Variants in DST observed in about 807,000 individuals in gnomAD.
DST encodes the protein bullous pemphigoid antigen.
DST carries 253 observed loss-of-function variants against 875.2 expected under a neutral mutation model. The observed-to-expected ratio is 0.29, with a 90% CI of 0.26 to 0.32. The LOEUF is 0.32. DST is among the 10% of genes least tolerant of loss of function. The pLI is 1.00. For missense variants in DST, 8,287 were observed against 9,111.6 expected (o/e 0.91, Z 3.68); for synonymous variants, 3,124 against 3,197.1 (o/e 0.98, Z 0.77).
chr6:56,710,958 A>G (rs2099360831), intron 5 of DST, among the ~76,000 whole-genome samples: 1 of 152,212 alleles, frequency 6.6e-6, no homozygotes, highest in African/African-American at 2.4e-5. Context: ...TAAACTATGA[A>G]ATAAAGGTAT....
chr6:56,624,688 T>A, intron 35 of DST, 60 bp from the exon 36 acceptor site: 1 of 1,086,518 alleles, frequency 9.2e-7, no homozygotes, highest in East Asian at 2.4e-5. Context: ...CTAAGTTGAA[T>A]GAATTTTGAA....
chr6:56,606,329 C>G lies in DST; in HGVS notation c.8299G>C (p.Gly2767Arg). 1 of 1,611,798 alleles carries G rather than the reference C, an allele frequency of 6.2e-7. No homozygotes were observed. Among genetic ancestry groups the G allele is most frequent in the Non-Finnish European group, 8.5e-7 (1 of 1,178,856 alleles). Residue 2767 changes from glycine (G) to arginine (R), a missense_variant, in exon 40 of 104, where the codon GGA becomes CGA. Gly to Arg is a moderately radical substitution (Grantham distance 125). Transcript: ENST00000680361. ...LKFDDSGSWRGRKEEYVTGQE... is the reference protein window; with the variant it reads ...LKFDDSGSWRRRKEEYVTGQE... ...CCAGTTACATACTCTTCCTTTCTTCCTCTCCAACTGCCACTGTCATCAAAT... is the reference window on the plus strand; with the variant it reads ...CCAGTTACATACTCTTCCTTTCTTCGTCTCCAACTGCCACTGTCATCAAAT...
intron 10 of DST, among the ~76,000 whole-genome samples, chr6:56,658,588 G>GT (rs1234548982): frequency 9.2e-5 from 14 of 152,288 alleles, no homozygotes; most frequent in African/African-American, 3.4e-4. Flanking sequence ...TTACCAAAAC[G>GT]TATCTATCAG....
chr6:56,787,069 T>G (rs896851915), intron 4 of DST, among the ~76,000 whole-genome samples: 5 of 152,190 alleles, frequency 3.3e-5, no homozygotes, highest in African/African-American at 1.2e-4. Flanking sequence ...CATTTCACAA[T>G]AACCCTATGA....
In DST at chr6:56,954,430, A is replaced by C; in HGVS notation, c.158T>G (p.Phe53Cys). ...QKGRHPMKSV[F>C]SGRSRSRDAV... The stretch of plus-strand genomic sequence containing the variant: ...ACCTCGGCTTCTTGAACGACCCGAG[A>C]AGACCGATTTCATCGGATGCCTCCC... Residue 53 changes from phenylalanine (F) to cysteine (C), a missense_variant, in exon 1 of 104, where the codon TTC becomes TGC. Physicochemically the swap from Phe to Cys is radical, Grantham distance 205. Coordinates refer to ENST00000680361, the MANE Select transcript of DST (RefSeq NM_001374736.1). The C allele has an allele frequency of 1.5e-6, 2 of 1,367,476 alleles. No homozygotes were observed. The highest frequency in any genetic ancestry group is 2.0e-6 in the Non-Finnish European group (2 of 1,021,776). The allele number at this position is 1,367,476 out of a possible 1,614,324, so 84.7% of individuals were successfully genotyped here. A position where few individuals can be genotyped will look rare whatever the true frequency, so the allele number is the denominator to read the frequency against.
intron 31 of DST, 52 bp downstream of exon 31, chr6:56,630,193 G>A: frequency 7.4e-7 from 1 of 1,357,824 alleles, no homozygotes; most frequent in Non-Finnish European, 1.0e-6. Context: ...AAGTGCTAGA[G>A]AAATACTTGT....
Position 56,645,964 on chromosome 6 carries a change from G to A in DST, c.1680C>T (p.Leu560=). ...TGTCATTTGGATGATAACCTTGAAG[G>A]AGCTTGATGCGTCCAAATTCTATCC... The part of the protein sequence containing the change: ...EIWIEFGRIK[L]LQGYHPNDIE... The change falls in exon 15 of 104, where the codon CTC becomes CTT. Residue 560 remains leucine, a synonymous_variant. Coordinates refer to ENST00000680361, the MANE Select transcript of DST (RefSeq NM_001374736.1). The A allele has an allele frequency of 3.7e-6, 6 of 1,613,300 alleles. No individual in the cohort carries two copies. The highest frequency in any genetic ancestry group is 1.7e-4 in the Middle Eastern group (1 of 6,054).
At chr6:56,719,883 T>G (rs932917829) in intron 5 of DST, among the ~76,000 whole-genome samples, 1 of 152,172 alleles carries the variant, frequency 6.6e-6, no homozygotes, top group African/African-American at 2.4e-5. Context: ...GATCACGTAC[T>G]TCACAAGGTA....
intron 4 of DST, among the ~76,000 whole-genome samples, chr6:56,757,923 T>C (rs1014700330): frequency 2.0e-5 from 3 of 152,226 alleles, no homozygotes; most frequent in Non-Finnish European, 2.9e-5. Flanking sequence ...TTCATTTTCA[T>C]GTGCAAAATA....
chr6:56,506,810 C>G (rs1562437012), intron 75 of DST, 21 bp from the exon 76 acceptor site: 1 of 1,593,138 alleles, frequency 6.3e-7, no homozygotes, highest in Admixed American at 1.8e-5. Flanking sequence ...AAAATGACAG[C>G]CTTAGAATTT....
Position 56,598,797 on chromosome 6 carries a change from TAC to T in DST, c.11695-90_11695-89del, listed in dbSNP as rs59112401. 4,197 of 711,644 alleles carry T rather than the reference TAC, an allele frequency of 5.9e-3. 130 individuals are homozygous for T. In the African/African-American group the frequency reaches 0.067, roughly 11 times the overall value. The allele number at this position is 711,644 out of a possible 1,614,324, so 44.1% of individuals were successfully genotyped here. ...TTGTAATTCTAAAAGACAGAGTGAG[TAC>T]AGAGAGAGTCTAGTATATGTAGCTT... On this transcript the variant is annotated intron_variant, in intron 45 of 103. Coordinates refer to ENST00000680361, the MANE Select transcript of DST (RefSeq NM_001374736.1).
intron 2 of DST, among the ~76,000 whole-genome samples, chr6:56,908,243 A>T (rs1797322868): frequency 6.6e-6 from 1 of 152,188 alleles, no homozygotes; most frequent in South Asian, 2.1e-4. Context: ...TCCATTAAAA[A>T]ATCAAAAGAT....
chr6:56,528,986 A>C, intron 66 of DST, 61 bp from the exon 67 acceptor site: 1 of 1,004,880 alleles, frequency 1.0e-6, no homozygotes, highest in Non-Finnish European at 1.5e-6. Context: ...CATTAACATT[A>C]GTTAATCTCA....
chr6:56,587,024 A>G (rs1183052707), intron 49 of DST, among the ~76,000 whole-genome samples: 12 of 152,126 alleles, frequency 7.9e-5, no homozygotes, highest in African/African-American at 1.2e-4. Context: ...CCAAAGGAAC[A>G]CAGTTCCTCA....
At chr6:56,657,429 AT>A (rs1563502895) in intron 10 of DST, among the ~76,000 whole-genome samples, 1 of 152,066 alleles carries the variant, frequency 6.6e-6, no homozygotes, top group African/African-American at 2.4e-5. Flanking sequence ...GGTCACATAT[AT>A]TTTTTTTAAT....
chr6:56,843,193 G>A (rs1380284821), intron 4 of DST: 2 of 1,499,586 alleles, frequency 1.3e-6, no homozygotes, highest in East Asian at 2.4e-5. Context: ...TCTCCCCCTC[G>A]TAACCCCCGG....
At chr6:56,917,366 T>C (rs572722076) in intron 2 of DST, among the ~76,000 whole-genome samples, 5 of 152,310 alleles carry the variant, frequency 3.3e-5, no homozygotes, top group East Asian at 3.9e-4. Flanking sequence ...TAAACAAAGA[T>C]GGTTAATCAA....
chr6:56,751,479 T>A (rs2099586965), intron 4 of DST, among the ~76,000 whole-genome samples: 1 of 152,216 alleles, frequency 6.6e-6, no homozygotes, highest in African/African-American at 2.4e-5. Flanking sequence ...GCAGGCATTC[T>A]TGTGATATTT....
intron 59 of DST, 93 bp downstream of exon 59, chr6:56,557,226 T>C: frequency 8.2e-7 from 1 of 1,215,010 alleles, no homozygotes; most frequent in Non-Finnish European, 1.2e-6. Context: ...ATAAAACACC[T>C]ACTGACCAAA....
Sources: allele counts gnomAD v4.1 joint callset (sites outside exome capture counted in the v4.1 genomes callset), GRCh38; gene constraint gnomAD v4.1.1; transcripts MANE v1.5; gene names NCBI Gene and HGNC (gene_info 2026-07-23, HGNC 2026-07-21).